MYH10: variants seen among roughly 807,000 people sequenced by gnomAD.
MYH10 encodes myosin-10.
Under a neutral mutation model 257.8 loss-of-function variants are expected in MYH10, and 55 were observed. The observed-to-expected ratio is 0.21, with a 90% CI of 0.17 to 0.27. The LOEUF (loss-of-function observed/expected upper bound fraction) is 0.27, where lower values mean the gene tolerates loss of function less well. Ranked by LOEUF, MYH10 falls within the 10% of genes least tolerant of loss-of-function variation. The probability of loss-of-function intolerance (pLI) is 1.00; values close to 1 mark genes in which losing one functional copy is unlikely to be tolerated. For missense variants in MYH10, 1,631 were observed against 2,500.6 expected (o/e 0.65, Z 7.42); for synonymous variants, 854 against 921.7 (o/e 0.93, Z 1.33).
chr17:8,492,500 C>G lies in MYH10; in HGVS notation c.4468G>C (p.Glu1490Gln). ...TAGCGAGCAGAGATGCTCTTCTCTT[C>G]TGCTAACAGCTGTGCAGAAGGGGAT... ...KQKKFDQLLA[E>Q]EKSISARYAE... is the part of the protein sequence containing the mutation. Residue 1490 changes from glutamate (E) to glutamine (Q), a missense_variant, in exon 34 of 43, where the codon GAA becomes CAA. By Grantham distance (29) the Glu-to-Gln change is conservative. Coordinates refer to ENST00000360416, the MANE Select transcript of MYH10 (RefSeq NM_001256012.3). 1 of 1,610,968 alleles carries G rather than the reference C, an allele frequency of 6.2e-7. No individual in the cohort carries two copies. The highest frequency in any genetic ancestry group is 8.5e-7 in the Non-Finnish European group (1 of 1,179,330).
At chr17:8,554,054 G>GT in intron 7 of MYH10, 36 bp from the exon 8 acceptor site, 1 of 1,438,608 alleles carries the variant, frequency 7.0e-7, no homozygotes. Flanking sequence ...TTGAAAATAA[G>GT]TAAGTACATA....
intron 7 of MYH10, among the ~76,000 whole-genome samples, chr17:8,561,906 C>T (rs1387377214): frequency 6.6e-6 from 1 of 152,078 alleles, no homozygotes; most frequent in African/African-American, 2.4e-5. Context: ...AGAAGAGATG[C>T]ATGGAGAACA....
chr17:8,557,363 G>C (rs1200945932), intron 7 of MYH10, among the ~76,000 whole-genome samples: 1 of 152,130 alleles, frequency 6.6e-6, no homozygotes, highest in African/African-American at 2.4e-5. Flanking sequence ...TGTGGGGAGT[G>C]TGGGGGAAGA....
Position 8,480,176 on chromosome 17 carries a change from T to A in MYH10, c.5531A>T (p.Lys1844Met). 1 of 1,614,206 alleles carries A rather than the reference T, an allele frequency of 6.2e-7. No individual in the cohort carries two copies. The highest frequency in any genetic ancestry group is 8.5e-7 in the Non-Finnish European group (1 of 1,180,042). Reference protein sequence around the residue: ...ELEGAVKSKFKATISALEAKI... With the variant: ...ELEGAVKSKFMATISALEAKI... ...GGCCTCCAGGGCTGAGATGGTGGCC[T>A]TGAACTTAGACTTGACAGCACCCTC... The change falls in exon 40 of 43, where the codon AAG (lysine) becomes ATG (methionine). Residue 1844 changes from lysine (K) to methionine (M), a missense_variant. Transcript: ENST00000360416.
rs776437461 is a variant in MYH10 at position 8,535,821 on chromosome 17, C to T, written c.1716G>A (p.Lys572=). Residue 572 remains lysine, a synonymous_variant, in exon 15 of 43, where the codon AAG becomes AAA. Coordinates refer to ENST00000360416, the MANE Select transcript of MYH10 (RefSeq NM_001256012.3). This position sits in a 1 kb window ranked among gnomAD's most constrained non-coding sequence, Gnocchi z 4.3. ...KLVQEQGSHS[K]FQKPRQLKDK... ...CTTTTAATTGTCGAGGTTTCTGAAA[C>T]TTGGAGTGGGAACCTTGCTCTTGAA... 6.2e-7 allele frequency: 1 copy of T among 1,613,968 alleles called. No individual in the cohort carries two copies. Among genetic ancestry groups the T allele is most frequent in the Admixed American group, 1.7e-5 (1 of 59,996 alleles).
chr17:8,624,205 T>C (rs948808591), intron 1 of MYH10, among the ~76,000 whole-genome samples: 2 of 152,218 alleles, frequency 1.3e-5, no homozygotes, highest in African/African-American at 2.4e-5. Context: ...CCATTTACCA[T>C]TGGCTCACAA....
In MYH10 at chr17:8,550,385, G is replaced by A. The variant is rs1255060671; in HGVS notation, c.920-1598C>T. 5.8e-4 allele frequency among the ~76,000 whole-genome samples: 88 copies of A among 150,868 alleles called. No individual in the cohort carries two copies. The East Asian group carries it at 0.012, about 21-fold the overall frequency. ...AGCACCTCTGCCCGGCCCCGACCCC[G>A]TCTGGGAGGTGAGGAGCATCTCTGC... On this transcript the variant is annotated intron_variant, in intron 9 of 42. Coordinates refer to ENST00000360416, the MANE Select transcript of MYH10 (RefSeq NM_001256012.3).
intron 6 of MYH10, among the ~76,000 whole-genome samples, chr17:8,574,512 T>A (rs58552544): frequency 5.5e-5 from 6 of 109,340 alleles, no homozygotes; most frequent in Non-Finnish European, 1.1e-4. Flanking sequence ...AATGGGTACA[T>A]TGAATGGTAT....
At chr17:8,549,106 T>A (rs547906270) in intron 9 of MYH10, among the ~76,000 whole-genome samples, 2 of 152,272 alleles carry the variant, frequency 1.3e-5, no homozygotes, top group South Asian at 4.1e-4. Flanking sequence ...ATGACAAAAC[T>A]CTATTGTTTT....
chr17:8,507,605 T>C (rs903920480), intron 26 of MYH10, among the ~76,000 whole-genome samples: 11 of 152,220 alleles, frequency 7.2e-5, no homozygotes, highest in African/African-American at 2.7e-4. Flanking sequence ...CAATGGTCTG[T>C]AGGACCCAAA....
At chr17:8,548,886 G>T in intron 9 of MYH10, 99 bp from the exon 10 acceptor site, 1 of 990,260 alleles carries the variant, frequency 1.0e-6, no homozygotes, top group Non-Finnish European at 1.5e-6. Flanking sequence ...GGAGAGCAGT[G>T]GTCACCATGC....
chr17:8,498,321 C>T (rs1916986650), intron 30 of MYH10, among the ~76,000 whole-genome samples: 1 of 152,046 alleles, frequency 6.6e-6, no homozygotes, highest in African/African-American at 2.4e-5. Flanking sequence ...ACTCCAGCAT[C>T]AGAAGATTTT....
chr17:8,623,297 G>A lies in MYH10; in HGVS notation c.-31-20C>T. 2 of 1,528,850 alleles carry A rather than the reference G, an allele frequency of 1.3e-6. No individual in the cohort carries two copies. Among genetic ancestry groups the A allele is most frequent in the Non-Finnish European group, 8.7e-7 (1 of 1,143,300 alleles). 94.7% of individuals were successfully genotyped at this position (1,528,850 alleles called of 1,614,324 possible). A position where few individuals can be genotyped will look rare whatever the true frequency, so the allele number is the denominator to read the frequency against. ...TTGCCTCTAAGAGAAGAGGAGGAGG[G>A]CAAAATTAGATGTTTAAGAAACAAA... is the stretch of plus-strand genomic sequence containing the variant. On this transcript the variant is annotated intron_variant, in intron 1 of 42. Coordinates refer to ENST00000360416, the MANE Select transcript of MYH10 (RefSeq NM_001256012.3).
Position 8,481,302 on chromosome 17 carries a change from C to A in MYH10, c.5264+20G>T, listed in dbSNP as rs749530831. The A allele has an allele frequency of 6.2e-6, 10 of 1,612,124 alleles. No individual in the cohort carries two copies. In the East Asian group the frequency reaches 2.2e-4, roughly 36 times the overall value. On this transcript the variant is annotated intron_variant, in intron 38 of 42. Transcript: ENST00000360416. ...CGTGCCTGAGGGCGAAGAACCCACCCCCGGCCGTGGGAGACTCACTTGCCA... is the reference window on the plus strand; with the variant it reads ...CGTGCCTGAGGGCGAAGAACCCACCACCGGCCGTGGGAGACTCACTTGCCA...
intron 3 of MYH10, among the ~76,000 whole-genome samples, chr17:8,594,057 G>C (rs898836130): frequency 6.6e-6 from 1 of 152,118 alleles, no homozygotes; most frequent in Non-Finnish European, 1.5e-5. Context: ...CAATTCAATG[G>C]AGAAATAGTT....
At chr17:8,551,243 A>G (rs1191988091) in intron 9 of MYH10, among the ~76,000 whole-genome samples, 2 of 151,044 alleles carry the variant, frequency 1.3e-5, no homozygotes, top group African/African-American at 2.4e-5. Flanking sequence ...TCAGTGTTAC[A>G]TACTGCATCA....
intron 19 of MYH10, among the ~76,000 whole-genome samples, chr17:8,520,611 A>G (rs1173944413): frequency 6.6e-6 from 1 of 152,256 alleles, no homozygotes; most frequent in Admixed American, 6.5e-5. Flanking sequence ...AGCTAACTTC[A>G]GGGCCCTGAA....
At chr17:8,526,398 G>T (rs2081848244) in intron 17 of MYH10, among the ~76,000 whole-genome samples, 1 of 152,154 alleles carries the variant, frequency 6.6e-6, no homozygotes, top group African/African-American at 2.4e-5. Context: ...TCCAGCCACA[G>T]TTTCAGGGTA....
rs1374105917 is a variant in MYH10 at position 8,487,606 on chromosome 17, C to T, written c.4885-12G>A. The T allele has an allele frequency of 1.9e-6, 3 of 1,614,082 alleles. No homozygotes were observed. The highest frequency in any genetic ancestry group is 1.1e-5 in the South Asian group (1 of 91,076). On this transcript the variant is annotated splice_polypyrimidine_tract_variant and intron_variant, in intron 35 of 42. Transcript: ENST00000360416. ...TCGAGCTCCCGCACCTAATGGACAA[C>T]ATCGGGTTATGCTGGGTTACATCCA...
Sources: allele counts gnomAD v4.1 joint callset (sites outside exome capture counted in the v4.1 genomes callset), GRCh38; gene constraint gnomAD v4.1.1; non-coding constraint Gnocchi (gnomAD v3.1); transcripts MANE v1.5; gene names NCBI Gene and HGNC (gene_info 2026-07-23, HGNC 2026-07-21).